DARS2: variants seen among roughly 807,000 people sequenced by gnomAD.
DARS2 encodes aspartate--tRNA ligase, mitochondrial.
In DARS2, 63 loss-of-function variants were observed where a neutral mutation model predicts 83.0. The ratio of observed to expected loss-of-function variants is 0.76; its 90% CI spans 0.62 to 0.94. The LOEUF (loss-of-function observed/expected upper bound fraction) is 0.94, where lower values mean the gene tolerates loss of function less well. DARS2 is among the 40% of genes least tolerant of loss of function. The pLI is 0.00. For synonymous variants in DARS2, 250 were observed against 269.3 expected (o/e 0.93, Z 0.70); for missense variants, 675 against 774.4 (o/e 0.87, Z 1.52).
intron 12 of DARS2, among the ~76,000 whole-genome samples, chr1:173,849,513 CAG>C (rs1482808295): frequency 7.2e-6 from 1 of 138,852 alleles, no homozygotes; most frequent in Non-Finnish European, 1.5e-5. Flanking sequence ...GCATGGGTGA[CAG>C]AGCGAGACTC....
chr1:173,833,475 C>T lies in DARS2; in HGVS notation c.592C>T (p.Arg198Trp), dbSNP rs1217906974. Residue 198 changes from arginine to tryptophan, a missense_variant, in exon 6 of 17, where the codon CGG (arginine) becomes TGG (tryptophan). Coordinates refer to ENST00000649689, the MANE Select transcript of DARS2 (RefSeq NM_018122.5). Reference sequence around the variant, plus strand: ...GAGGTCCCAGATGGTCATGAAAATGCGGGAATATCTCTGTAATCTGCATGG... The same window carrying T: ...GAGGTCCCAGATGGTCATGAAAATGTGGGAATATCTCTGTAATCTGCATGG... ...RLRSQMVMKMREYLCNLHGFV... is the reference protein window; with the variant it reads ...RLRSQMVMKMWEYLCNLHGFV... The T allele has an allele frequency of 9.3e-6, 15 of 1,614,032 alleles. No homozygotes were observed. The highest frequency in any genetic ancestry group is 1.1e-5 in the South Asian group (1 of 91,084).
intron 3 of DARS2, 91 bp from the exon 4 acceptor site, chr1:173,830,569 A>G: frequency 9.7e-7 from 1 of 1,034,454 alleles, no homozygotes; most frequent in Middle Eastern, 2.0e-4. Flanking sequence ...AGCTGTGACT[A>G]TTAACGTTTT....
At chr1:173,828,490 T>A in intron 3 of DARS2, 91 bp downstream of exon 3, 1 of 1,206,172 alleles carries the variant, frequency 8.3e-7, no homozygotes, top group Non-Finnish European at 1.2e-6. Context: ...TTAGAGGTTT[T>A]AAATTCAGAA....
chr1:173,835,055 T>TA (rs1652953966), intron 7 of DARS2, among the ~76,000 whole-genome samples: 1 of 152,030 alleles, frequency 6.6e-6, no homozygotes, highest in South Asian at 2.1e-4. Context: ...GTGCTGGGAT[T>TA]ACAGGTGTGA....
chr1:173,829,720 C>G (rs542040577), intron 3 of DARS2, among the ~76,000 whole-genome samples: 1 of 151,986 alleles, frequency 6.6e-6, no homozygotes, highest in African/African-American at 2.4e-5. Context: ...CCAGCCTGAC[C>G]AACATGGTGA....
intron 11 of DARS2, among the ~76,000 whole-genome samples, chr1:173,842,601 C>T (rs182730305): frequency 2.7e-5 from 4 of 150,262 alleles, no homozygotes; most frequent in African/African-American, 7.3e-5. Context: ...CCATGCCTGG[C>T]CCCTCATTAC....
At chr1:173,853,309 G>C in intron 13 of DARS2, 40 bp from the exon 14 acceptor site, 1 of 1,595,730 alleles carries the variant, frequency 6.3e-7, no homozygotes, top group Non-Finnish European at 8.6e-7. Context: ...TGCCTGCTCT[G>C]TCAAGAAGTT....
At chr1:173,830,550 T>C in intron 3 of DARS2, 110 bp from the exon 4 acceptor site, 1 of 885,330 alleles carries the variant, frequency 1.1e-6, no homozygotes, top group Non-Finnish European at 1.9e-6. Context: ...CCAGCCTTTA[T>C]GGTAATTAAG....
chr1:173,852,156 G>A (rs1045439322), intron 13 of DARS2: 20 of 985,254 alleles, frequency 2.0e-5, no homozygotes, highest in African/African-American at 1.2e-4. Flanking sequence ...TTATGTAGAC[G>A]TAAATGTAAG....
chr1:173,840,805 A>C (rs1218852875), intron 10 of DARS2, 61 bp from the exon 11 acceptor site: 6 of 918,712 alleles, frequency 6.5e-6, no homozygotes, highest in Admixed American at 3.5e-5. Context: ...TTGTTTGTAA[A>C]ATGTTTTCAG....
intron 7 of DARS2, among the ~76,000 whole-genome samples, chr1:173,834,762 TGTTTTGGGTTTTTTTTTTTG>T (rs1652931985): frequency 3.9e-5 from 4 of 103,376 alleles, no homozygotes; most frequent in African/African-American, 4.0e-5. Flanking sequence ...TTTTTTGGTT[TGTTTTGGGTTTTTTTTTTTG>T]TTTTTTTTTT....
chr1:173,845,895 C>T (rs1653416407), intron 12 of DARS2, among the ~76,000 whole-genome samples: 2 of 152,168 alleles, frequency 1.3e-5, no homozygotes, highest in African/African-American at 2.4e-5. Flanking sequence ...CGTTGGCTCA[C>T]GCCTGTAATC....
chr1:173,834,759 G>GTTTTTTTTTTTTTTT, intron 7 of DARS2, among the ~76,000 whole-genome samples: 1 of 21,862 alleles, frequency 4.6e-5, no homozygotes, highest in Non-Finnish European at 8.1e-5. Flanking sequence ...TTTTTTTTTG[G>GTTTTTTTTTTTTTTT]TTTGTTTTGG....
intron 12 of DARS2, among the ~76,000 whole-genome samples, chr1:173,849,684 T>G (rs1653572287): frequency 6.6e-6 from 1 of 152,094 alleles, no homozygotes; most frequent in African/African-American, 2.4e-5. Context: ...ATCAGTTCCT[T>G]CTTGTGCTGA....
intron 13 of DARS2, among the ~76,000 whole-genome samples, chr1:173,852,781 G>A (rs933014278): frequency 6.6e-6 from 1 of 152,120 alleles, no homozygotes; most frequent in Non-Finnish European, 1.5e-5. Context: ...GGGATTACAG[G>A]TGTGAGCCAC....
In DARS2 at chr1:173,843,633, A is replaced by T. The variant is rs146609091; in HGVS notation, c.1129-1596A>T. 3.9e-4 allele frequency among the ~76,000 whole-genome samples: 60 copies of T among 152,346 alleles called. 1 individual carries two copies. In the East Asian group the frequency reaches 0.011, roughly 28 times the overall value. Reference sequence around the variant, plus strand: ...AGTAGCTGAGGTGCATTAATCACATAGCGAGTGAGTTCCAAAATTATTAAA... The same window carrying T: ...AGTAGCTGAGGTGCATTAATCACATTGCGAGTGAGTTCCAAAATTATTAAA... On this transcript the variant is annotated intron_variant, in intron 11 of 16. Coordinates refer to ENST00000649689, the MANE Select transcript of DARS2 (RefSeq NM_018122.5).
chr1:173,837,752 A>G (rs1456858107), intron 8 of DARS2, among the ~76,000 whole-genome samples: 3 of 152,056 alleles, frequency 2.0e-5, no homozygotes, highest in African/African-American at 4.8e-5. Flanking sequence ...CGATTAAAGC[A>G]TCATAAAAAA....
At chr1:173,846,773 G>A (rs1490864688) in intron 12 of DARS2, among the ~76,000 whole-genome samples, 3 of 152,076 alleles carry the variant, frequency 2.0e-5, no homozygotes, top group African/African-American at 7.2e-5. Flanking sequence ...TCCAGCCTGG[G>A]TGACACAGTG....
intron 7 of DARS2, among the ~76,000 whole-genome samples, chr1:173,836,007 A>ATTCTT (rs1652990277): frequency 6.6e-6 from 1 of 152,172 alleles, no homozygotes; most frequent in East Asian, 1.9e-4. Context: ...TAATGAGCCA[A>ATTCTT]GATCACGCCA....
Sources: gnomAD v4.1 joint callset for allele counts (sites outside exome capture counted in the v4.1 genomes callset) on GRCh38, gnomAD v4.1.1 for gene constraint, MANE v1.5 for transcripts, NCBI Gene and HGNC (gene_info 2026-07-23, HGNC 2026-07-21) for gene names.